Variants in SCAPER observed in about 807,000 individuals in gnomAD.
SCAPER encodes S-phase cyclin A associated protein in the ER, also known as S phase cyclin A-associated protein in the endoplasmic reticulum.
SCAPER carries 98 observed loss-of-function variants against 182.2 expected under a neutral mutation model. The ratio of observed to expected loss-of-function variants is 0.54; its 90% confidence interval spans 0.46 to 0.64. The LOEUF (loss-of-function observed/expected upper bound fraction) is 0.64, where lower values mean the gene tolerates loss of function less well. Among genes scored for constraint, SCAPER ranks in the 30% least tolerant of loss-of-function variants. The pLI is 0.00. For synonymous variants in SCAPER, 605 were observed against 564.6 expected, an observed-to-expected ratio of 1.07 and a Z score of -1.01; for missense variants, 1,432 against 1,690.0, an observed-to-expected ratio of 0.85 and a Z score of 2.68.
chr15:76,826,849 TA>T (rs954353773), intron 5 of SCAPER, among the ~76,000 whole-genome samples: 1 of 152,220 alleles, frequency 6.6e-6, no homozygotes, highest in Non-Finnish European at 1.5e-5. Context: ...GCTAACTTGT[TA>T]TGTAATTTCT....
Position 76,440,453 on chromosome 15 carries a change from G to A in SCAPER, c.3079-6143C>T, listed in dbSNP as rs144615040. On this transcript the variant is annotated intron_variant, in intron 25 of 31. Coordinates refer to ENST00000563290, the MANE Select transcript of SCAPER (RefSeq NM_020843.4). Reference sequence around the variant, plus strand: ...TTCTGTAATGTGATTCCATGAGAGAGAAAATAAAATTAGTAATTACTGGTA... The same window carrying A: ...TTCTGTAATGTGATTCCATGAGAGAAAAAATAAAATTAGTAATTACTGGTA... 4.0e-3 allele frequency among the ~76,000 whole-genome samples: 606 copies of A among 152,254 alleles called. 2 individuals are homozygous for A. The highest frequency in any genetic ancestry group is 0.014 in the African/African-American group (580 of 41,560).
At chr15:76,897,441 CACACCTGTAA>C (rs2074499974) in intron 1 of SCAPER, among the ~76,000 whole-genome samples, 1 of 152,022 alleles carries the variant, frequency 6.6e-6, no homozygotes, top group South Asian at 2.1e-4. Context: ...CACAGTGGCT[CACACCTGTAA>C]TCCTAGCACT....
rs1356940262 is a variant in SCAPER at position 76,701,793 on chromosome 15, T to C, written c.2473A>G (p.Ser825Gly). The change falls in exon 20 of 32, where the codon AGC (serine) becomes GGC (glycine). Residue 825 changes from serine to glycine, a missense_variant. By Grantham distance (56) the Ser-to-Gly change is moderately conservative. This residue lies in a region of SCAPER where 718 missense variants were observed against 799.7 expected (regional missense o/e 0.90). Coordinates refer to ENST00000563290, the MANE Select transcript of SCAPER (RefSeq NM_020843.4). ...KHQQAVRENT[S>G]IQGRELSDEE... Reference sequence around the variant, plus strand: ...TCTGACAGTTCACGCCCCTGGATGCTGGTATTCTCTCTCACGGCTTGCTGG... The same window carrying C: ...TCTGACAGTTCACGCCCCTGGATGCCGGTATTCTCTCTCACGGCTTGCTGG... 1.2e-6 allele frequency: 2 copies of C among 1,613,886 alleles called. No individual in the cohort carries two copies. Among genetic ancestry groups the C allele is most frequent in the Non-Finnish European group, 1.7e-6 (2 of 1,179,810 alleles).
chr15:76,721,863 C>A (rs1381058537), intron 17 of SCAPER, among the ~76,000 whole-genome samples: 1 of 152,162 alleles, frequency 6.6e-6, no homozygotes, highest in Admixed American at 6.5e-5. Context: ...ACAATCATGT[C>A]ATCGGCAAAC....
At chr15:76,854,403 G>A (rs2071107757) in intron 4 of SCAPER, among the ~76,000 whole-genome samples, 1 of 151,956 alleles carries the variant, frequency 6.6e-6, no homozygotes, top group Admixed American at 6.6e-5. Context: ...AGCTAACCAG[G>A]GAGGAGAAAC....
chr15:76,546,556 C>T (rs2045302931), intron 23 of SCAPER, among the ~76,000 whole-genome samples: 1 of 151,930 alleles, frequency 6.6e-6, no homozygotes, highest in South Asian at 2.1e-4. Flanking sequence ...CCACCCAATC[C>T]CAATTTCCTA....
At chr15:76,536,238 C>T (rs1283379665) in intron 23 of SCAPER, among the ~76,000 whole-genome samples, 3 of 151,934 alleles carry the variant, frequency 2.0e-5, no homozygotes, top group Non-Finnish European at 4.4e-5. Flanking sequence ...GTGGTGTGTG[C>T]CACTCAGCTA....
At chr15:76,657,039 C>A (rs1175729690) in intron 21 of SCAPER, among the ~76,000 whole-genome samples, 1 of 152,058 alleles carries the variant, frequency 6.6e-6, no homozygotes, top group South Asian at 2.1e-4. Flanking sequence ...AAGAAATAAT[C>A]AAAATCAGAG....
intron 29 of SCAPER, among the ~76,000 whole-genome samples, chr15:76,371,120 G>A (rs570800483): frequency 1.3e-5 from 2 of 152,242 alleles, no homozygotes; most frequent in African/African-American, 4.8e-5. Context: ...ATAGAGAAAT[G>A]ATTCTCTGTG....
intron 2 of SCAPER, among the ~76,000 whole-genome samples, chr15:76,875,215 A>T (rs1191722110): frequency 6.6e-6 from 1 of 152,222 alleles, no homozygotes; most frequent in Non-Finnish European, 1.5e-5. Flanking sequence ...AATAAAGAAG[A>T]AAAAACACAT....
intron 17 of SCAPER, among the ~76,000 whole-genome samples, chr15:76,719,786 T>G (rs1305327394): frequency 6.6e-6 from 1 of 151,860 alleles, no homozygotes; most frequent in African/African-American, 2.4e-5. Flanking sequence ...GGCATAAAGA[T>G]GAGGAAAAAA....
chr15:76,471,358 A>G (rs2050151059), intron 24 of SCAPER, 23 bp from the exon 25 acceptor site: 3 of 1,588,674 alleles, frequency 1.9e-6, no homozygotes, highest in Non-Finnish European at 2.6e-6. Context: ...GAAAAACACC[A>G]TTTATAAAAC....
intron 14 of SCAPER, among the ~76,000 whole-genome samples, chr15:76,757,704 T>C (rs1001647085): frequency 5.3e-5 from 8 of 152,182 alleles, no homozygotes; most frequent in Non-Finnish European, 8.8e-5. Flanking sequence ...ATAATGGTTA[T>C]ACTAATTTAC....
intron 18 of SCAPER, among the ~76,000 whole-genome samples, chr15:76,705,384 T>C (rs1272200400): frequency 4.5e-5 from 5 of 110,102 alleles, no homozygotes; most frequent in Admixed American, 3.7e-4. Flanking sequence ...AACATCACAC[T>C]CTGGGGACTG....
chr15:76,853,026 A>G (rs527700982), intron 4 of SCAPER, among the ~76,000 whole-genome samples: 4 of 152,326 alleles, frequency 2.6e-5, no homozygotes, highest in Non-Finnish European at 5.9e-5. Flanking sequence ...AATAAAAATA[A>G]CCATCAGAAA....
At chr15:76,373,415 A>G (rs1462907843) in intron 29 of SCAPER, among the ~76,000 whole-genome samples, 1 of 152,158 alleles carries the variant, frequency 6.6e-6, no homozygotes, top group East Asian at 1.9e-4. Context: ...AAGCAATTTA[A>G]TAGGTTGAAT....
chr15:76,714,274 T>C lies in SCAPER; in HGVS notation c.2166-8290A>G, dbSNP rs146493242. Among the ~76,000 whole-genome samples the C allele has an allele frequency of 6.7e-3, 1,023 of 152,298 alleles. 45 individuals carry two copies. Among genetic ancestry groups the C allele is most frequent in the Admixed American group, 0.062 (943 of 15,280 alleles). ...CAGATAGTTTCACAATGGTTACATA[T>C]GTGAAAACTCATCAAATTGTACACT... On this transcript the variant is annotated intron_variant, in intron 17 of 31. Coordinates refer to ENST00000563290, the MANE Select transcript of SCAPER (RefSeq NM_020843.4).
chr15:76,695,092 A>AG (rs758824357), intron 20 of SCAPER, among the ~76,000 whole-genome samples: 3 of 152,176 alleles, frequency 2.0e-5, no homozygotes, highest in Non-Finnish European at 4.4e-5. Flanking sequence ...AGAAAGTAAC[A>AG]GGGTAAAACA....
chr15:76,727,841 C>G (rs2060682344), intron 17 of SCAPER, among the ~76,000 whole-genome samples: 1 of 151,030 alleles, frequency 6.6e-6, no homozygotes, highest in Admixed American at 6.6e-5. Flanking sequence ...AAGATAATCC[C>G]TAAACATCAA....
Sources: allele counts gnomAD v4.1 joint callset (sites outside exome capture counted in the v4.1 genomes callset), GRCh38; gene constraint gnomAD v4.1.1; regional missense constraint gnomAD v4.1.1; transcripts MANE v1.5; gene names NCBI Gene and HGNC (gene_info 2026-07-23, HGNC 2026-07-21).